The following UBXN7 variants were observed in gnomAD, a reference collection of about 807,000 sequenced individuals.
The protein encoded by UBXN7 is UBX domain protein 7, also known as UBX domain-containing protein 7.
In UBXN7, 9 loss-of-function variants were observed where a neutral mutation model predicts 58.0. The ratio of observed to expected loss-of-function variants is 0.16; its 90% CI spans 0.09 to 0.27. The LOEUF is 0.27. Ranked by LOEUF, UBXN7 falls within the 10% of genes least tolerant of loss-of-function variation. The pLI is 1.00. For missense variants in UBXN7, 328 were observed against 599.6 expected (o/e 0.55, Z 4.73); for synonymous variants, 208 against 205.0 (o/e 1.01, Z -0.12).
chr3:196,384,974 T>C (rs1308706827), intron 5 of UBXN7, among the ~76,000 whole-genome samples: 1 of 152,046 alleles, frequency 6.6e-6, no homozygotes, highest in Non-Finnish European at 1.5e-5. Flanking sequence ...GAGAAATAAA[T>C]AAAGGGTATT....
intron 5 of UBXN7, among the ~76,000 whole-genome samples, chr3:196,372,362 G>A (rs1728868645): frequency 9.2e-6 from 1 of 109,174 alleles, no homozygotes; most frequent in East Asian, 2.4e-4. Context: ...TTTTTTTTGA[G>A]ACAGAGTCTA....
chr3:196,415,541 C>T lies in UBXN7; in HGVS notation c.74-8148G>A, dbSNP rs190504681. 3.7e-4 allele frequency among the ~76,000 whole-genome samples: 55 copies of T among 149,114 alleles called. 1 individual carries two copies. In the East Asian group the frequency reaches 0.011, roughly 30 times the overall value. Reference sequence around the variant, plus strand: ...CCTGTAATCCCAGCACTTTCGGAGGCCGAGACAGGTGGTCACGAGGTCAGG... The same window carrying T: ...CCTGTAATCCCAGCACTTTCGGAGGTCGAGACAGGTGGTCACGAGGTCAGG... On this transcript the variant is annotated intron_variant, in intron 1 of 10. Transcript: ENST00000296328.
At chr3:196,374,551 T>A (rs1237658721) in intron 5 of UBXN7, among the ~76,000 whole-genome samples, 1 of 151,676 alleles carries the variant, frequency 6.6e-6, no homozygotes, top group African/African-American at 2.4e-5. Flanking sequence ...AAGACACAAT[T>A]TTCAAACAAA....
rs763479255 is a variant in UBXN7, at chr3:196,356,339, C to T, written c.*346G>A. ...TTAACATTTGATCCCAAAAAAGTGC[C>T]GTGCAAGAGACCACTTACTGGAACA... On this transcript the variant is annotated 3_prime_UTR_variant, in exon 11 of 11. Coordinates refer to ENST00000296328, the MANE Select transcript of UBXN7 (RefSeq NM_015562.2). 2.4e-5 allele frequency: 4 copies of T among 169,422 alleles called. No homozygotes were observed. Among genetic ancestry groups the T allele is most frequent in the East Asian group, 1.7e-4 (1 of 5,918 alleles). 10.5% of individuals were successfully genotyped at this position (169,422 alleles called of 1,614,324 possible). A position where few individuals can be genotyped will look rare whatever the true frequency, so the allele number is the denominator to read the frequency against.
In UBXN7 at chr3:196,403,035, G is replaced by A. The variant is rs756059601; in HGVS notation, c.222-16C>T. 1 of 1,578,012 alleles carries A rather than the reference G, an allele frequency of 6.3e-7. No individual in the cohort carries two copies. The highest frequency in any genetic ancestry group is 8.5e-7 in the Non-Finnish European group (1 of 1,170,480). ...AACTTCTTCTCTATTAAAAAAAAAT[G>A]GGAAAATAAAAAATGAAAACTGTTT... On this transcript the variant is annotated splice_polypyrimidine_tract_variant and intron_variant, in intron 2 of 10. Coordinates refer to ENST00000296328, the MANE Select transcript of UBXN7 (RefSeq NM_015562.2).
chr3:196,375,739 A>G (rs963855462), intron 5 of UBXN7, among the ~76,000 whole-genome samples: 5 of 152,232 alleles, frequency 3.3e-5, no homozygotes, highest in African/African-American at 1.2e-4. Context: ...ATGATAAAAA[A>G]GGATTTAGGC....
chr3:196,424,284 TC>T (rs1004139322), intron 1 of UBXN7, among the ~76,000 whole-genome samples: 21 of 151,918 alleles, frequency 1.4e-4, no homozygotes, highest in Non-Finnish European at 2.6e-4. Context: ...TTCTTTGCAG[TC>T]CCCCGGATGT....
At chr3:196,427,394 T>C (rs1479524491) in intron 1 of UBXN7, among the ~76,000 whole-genome samples, 2 of 152,222 alleles carry the variant, frequency 1.3e-5, no homozygotes, top group Non-Finnish European at 2.9e-5. Flanking sequence ...CTCGGCTCAC[T>C]GCAACCTCCG....
At chr3:196,365,034 C>T (rs1435848615) in intron 8 of UBXN7, among the ~76,000 whole-genome samples, 1 of 150,812 alleles carries the variant, frequency 6.6e-6, no homozygotes, top group South Asian at 2.1e-4. Flanking sequence ...CACTGTCAGG[C>T]TCCTATTGAA....
Position 196,420,924 on chromosome 3 carries a change from A to G in UBXN7, c.73+11403T>C, listed in dbSNP as rs1231646879. On this transcript the variant is annotated intron_variant, in intron 1 of 10. Transcript: ENST00000296328. ...ATAGCAGTCACAGAGACTTTTAAAA[A>G]CAATCATCATCATCCCTCTATAGAA... Among the ~76,000 whole-genome samples, 4 of 152,212 alleles carry G rather than the reference A, an allele frequency of 2.6e-5. No homozygotes were observed. The East Asian group carries it at 7.7e-4, about 29-fold the overall frequency.
chr3:196,377,542 C>T lies in UBXN7; in HGVS notation c.469-5500G>A, dbSNP rs116872492. Among the ~76,000 whole-genome samples, 169 of 152,306 alleles carry T rather than the reference C, an allele frequency of 1.1e-3. No homozygotes were observed. The East Asian group carries it at 0.024, about 22-fold the overall frequency. ...TAAGAAGAAACTGAATTTGGCAACA[C>T]GGACACATCTACTTGCAAAGGACAC... On this transcript the variant is annotated intron_variant, in intron 5 of 10. Coordinates refer to ENST00000296328, the MANE Select transcript of UBXN7 (RefSeq NM_015562.2).
At position 196,385,008 on chromosome 3, in the gene UBXN7, T is replaced by G. The variant is rs1306789021; in HGVS notation, c.468+6805A>C. On this transcript the variant is annotated intron_variant, in intron 5 of 10. Coordinates refer to ENST00000296328, the MANE Select transcript of UBXN7 (RefSeq NM_015562.2). ...TTCAATTAGGAAATGAGGAAGTCGCTCTCCCTCTCCCTCTCCCCTTTGCAC... is the reference window on the plus strand; with the variant it reads ...TTCAATTAGGAAATGAGGAAGTCGCGCTCCCTCTCCCTCTCCCCTTTGCAC... 3.3e-5 allele frequency among the ~76,000 whole-genome samples: 5 copies of G among 151,942 alleles called. No individual in the cohort carries two copies. The East Asian group carries it at 7.7e-4, about 24-fold the overall frequency.
intron 10 of UBXN7, among the ~76,000 whole-genome samples, chr3:196,359,100 G>C (rs565272235): frequency 4.6e-5 from 7 of 152,272 alleles, no homozygotes; most frequent in African/African-American, 1.7e-4. Context: ...GCAACCTTGT[G>C]TCAAGTGCCT....
rs150884584 is a variant in UBXN7, at chr3:196,369,446, A to G, written c.681T>C (p.Tyr227=). ...CTGTCCGTGGGTCCAATATGGAAAC[A>G]TAGGGGAAATCCCCTAACTTATAAA... ...IQFYKLGDFP[Y]VSILDPRTGQ... Residue 227 remains tyrosine, a synonymous_variant, in exon 7 of 11, where the codon TAT becomes TAC. Coordinates refer to ENST00000296328, the MANE Select transcript of UBXN7 (RefSeq NM_015562.2). 1.2e-4 allele frequency: 186 copies of G among 1,613,434 alleles called. No homozygotes were observed. The East Asian group carries it at 3.5e-3, about 30-fold the overall frequency.
intron 5 of UBXN7, among the ~76,000 whole-genome samples, chr3:196,389,625 G>A (rs926644468): frequency 1.4e-4 from 21 of 152,172 alleles, no homozygotes; most frequent in Admixed American, 3.9e-4. Context: ...GTGCTACACC[G>A]GCTTCCCCTT....
At chr3:196,364,976 T>C (rs1728621442) in intron 8 of UBXN7, among the ~76,000 whole-genome samples, 1 of 152,176 alleles carries the variant, frequency 6.6e-6, no homozygotes, top group Non-Finnish European at 1.5e-5. Context: ...GCAATGACAT[T>C]GCACATATAG....
chr3:196,407,572 A>G (rs1395326326), intron 1 of UBXN7, among the ~76,000 whole-genome samples, 179 bp from the exon 2 acceptor site: 1 of 152,208 alleles, frequency 6.6e-6, no homozygotes, highest in Non-Finnish European at 1.5e-5. Flanking sequence ...GAAGTGAAAT[A>G]CAGAGCTAGA....
At chr3:196,429,759 A>C (rs892901210) in intron 1 of UBXN7, among the ~76,000 whole-genome samples, 2 of 152,250 alleles carry the variant, frequency 1.3e-5, no homozygotes, top group African/African-American at 2.4e-5. Flanking sequence ...TCTTGTAAAA[A>C]GAATCCCAAA....
chr3:196,351,907 G>C lies in UBXN7; in HGVS notation c.*4778C>G, dbSNP rs1364469345. 6.6e-6 allele frequency: 1 copy of C among 152,250 alleles called. No homozygotes were observed. The highest frequency in any genetic ancestry group is 2.1e-4 in the South Asian group (1 of 4,826). The allele number at this position is 152,250 out of a possible 1,614,324, so 9.4% of individuals were successfully genotyped here. A position where few individuals can be genotyped will look rare whatever the true frequency, so the allele number is the denominator to read the frequency against. On this transcript the variant is annotated 3_prime_UTR_variant, in exon 11 of 11. Transcript: ENST00000296328. ...TGCAAGTAAGATTCCTGCGAGCTAG[G>C]AATCTTTACTCCGGGGGATCAATAG...
Sources: gnomAD v4.1 joint callset for allele counts (sites outside exome capture counted in the v4.1 genomes callset) on GRCh38, gnomAD v4.1.1 for gene constraint, MANE v1.5 for transcripts, NCBI Gene and HGNC (gene_info 2026-07-23, HGNC 2026-07-21) for gene names.